The following ANK3 variants were observed in gnomAD, a reference collection of about 807,000 sequenced individuals.
ANK3 encodes ankyrin 3, also known as ankyrin-3.
Under a neutral mutation model 370.9 loss-of-function variants are expected in ANK3, and 57 were observed. The observed-to-expected ratio is 0.15, with a 90% CI of 0.12 to 0.19. The LOEUF (loss-of-function observed/expected upper bound fraction) is 0.19. Ranked by LOEUF, ANK3 falls within the 10% of genes least tolerant of loss-of-function variation. The probability of loss-of-function intolerance (pLI) is 1.00; values close to 1 mark genes in which losing one functional copy is unlikely to be tolerated. For synonymous variants in ANK3, 1,929 were observed against 1,946.3 expected (o/e 0.99, Z 0.23); for missense variants, 4,439 against 5,302.1 (o/e 0.84, Z 5.06).
At position 60,028,805 on chromosome 10, in the gene ANK3, AAGC is replaced by A. The variant is rs1213218343; in HGVS notation, c.*1038_*1040del. Reference sequence around the variant, plus strand: ...AAGCGGCAAGCATTTACCCCCTTTTAAGCACTAACAGATAGCATCCCCCCACCC... The same window carrying A: ...AAGCGGCAAGCATTTACCCCCTTTTAACTAACAGATAGCATCCCCCCACCC... On this transcript the variant is annotated 3_prime_UTR_variant, in exon 44 of 44. Transcript: ENST00000280772. The A allele has an allele frequency of 2.0e-5, 3 of 151,894 alleles. No individual in the cohort carries two copies. Among genetic ancestry groups the A allele is most frequent in the Non-Finnish European group, 4.4e-5 (3 of 67,892 alleles). The allele number at this position is 151,894 out of a possible 1,614,324, so 9.4% of individuals were successfully genotyped here.
At chr10:60,097,514 A>G (rs193211566) in intron 28 of ANK3, among the ~76,000 whole-genome samples, 84 of 152,356 alleles carry the variant, frequency 5.5e-4, no homozygotes, top group African/African-American at 1.9e-3. Flanking sequence ...AAGGTGGGAC[A>G]GCATTCTCTG....
At chr10:60,162,745 T>C (rs2095529383) in intron 23 of ANK3, among the ~76,000 whole-genome samples, 1 of 152,172 alleles carries the variant, frequency 6.6e-6, no homozygotes, top group African/African-American at 2.4e-5. Flanking sequence ...AATTAGAAAA[T>C]TCTTCCTAGC....
intron 41 of ANK3, among the ~76,000 whole-genome samples, chr10:60,058,926 TGTATTTTTA>T (rs2079763468): frequency 6.6e-6 from 1 of 152,170 alleles, no homozygotes. Flanking sequence ...AGCTGATTTT[TGTATTTTTA>T]GTAAAGATGA....
Position 60,469,667 on chromosome 10 carries a change from ATATATATATATATG to A in ANK3, c.96+145505_96+145518del, listed in dbSNP as rs1279616747. Among the ~76,000 whole-genome samples the A allele has an allele frequency of 8.1e-4, 79 of 97,504 alleles. 15 individuals carry two copies. The highest frequency in any genetic ancestry group is 1.2e-3 in the Non-Finnish European group (58 of 47,850). The allele number at this position is 97,504 out of a possible 152,430, so 64.0% of individuals were successfully genotyped here. ...TATATATATATATGGTGGTATATAT[ATATATATATATATG>A]GTGGTATATATATATAGTGGTCCTA... On this transcript the variant is annotated intron_variant, in intron 2 of 43. Transcript: ENST00000373827.
intron 1 of ANK3, among the ~76,000 whole-genome samples, chr10:60,726,144 A>T (rs183641700): frequency 2.0e-5 from 3 of 152,268 alleles, no homozygotes; most frequent in Admixed American, 2.0e-4. Flanking sequence ...ATATCAGCAC[A>T]TCACATAGCT....
At chr10:60,051,662 TTC>T (rs1254395147) in intron 42 of ANK3, 30 of 350,932 alleles carry the variant, frequency 8.5e-5, no homozygotes, top group Non-Finnish European at 1.0e-4. Context: ...TGATGTTTTC[TTC>T]TTTTTTTTTT....
intron 43 of ANK3, among the ~76,000 whole-genome samples, chr10:60,041,763 T>C (rs565888832): frequency 6.6e-6 from 1 of 152,304 alleles, no homozygotes; most frequent in African/African-American, 2.4e-5. Context: ...ATTGAGAACT[T>C]ACCTGGGCCT....
chr10:60,172,990 A>G lies in ANK3; in HGVS notation c.2292T>C (p.Tyr764=). 2 of 1,611,886 alleles carry G rather than the reference A, an allele frequency of 1.2e-6. No homozygotes were observed. Among genetic ancestry groups the G allele is most frequent in the Middle Eastern group, 1.7e-4 (1 of 6,056 alleles). The part of the protein sequence containing the change: ...AKVNAKTKNG[Y]TPLHQAAQQG... ...GCTGTGCTGCTTGATGTAATGGCGT[A>G]TACCCATTCTGTAGAAGGAAGATGG... Residue 764 remains tyrosine (Y), a synonymous_variant, in exon 20 of 44, where the codon TAT becomes TAC. Transcript: ENST00000280772.
chr10:60,669,937 C>G (rs1054238914), intron 1 of ANK3, among the ~76,000 whole-genome samples: 2 of 152,090 alleles, frequency 1.3e-5, no homozygotes, highest in Admixed American at 1.3e-4. Context: ...ATCCTCCCAC[C>G]CCAGCCTTTC....
chr10:60,282,868 C>T (rs1232332063), intron 1 of ANK3, among the ~76,000 whole-genome samples: 1 of 152,062 alleles, frequency 6.6e-6, no homozygotes, highest in Non-Finnish European at 1.5e-5. Flanking sequence ...CAAGAAGAGG[C>T]GAATGAAGAC....
At chr10:60,497,403 T>C (rs537067738) in intron 2 of ANK3, among the ~76,000 whole-genome samples, 5 of 152,324 alleles carry the variant, frequency 3.3e-5, no homozygotes, top group African/African-American at 4.8e-5. Flanking sequence ...TAATTACATT[T>C]AAATATGCTT....
chr10:60,590,882 G>A (rs1393639202), intron 2 of ANK3, among the ~76,000 whole-genome samples: 1 of 151,940 alleles, frequency 6.6e-6, no homozygotes, highest in African/African-American at 2.4e-5. Flanking sequence ...ATTTTTTATT[G>A]TTTATTTTTC....
At chr10:60,344,804 T>C (rs1191914262) in intron 1 of ANK3, among the ~76,000 whole-genome samples, 2 of 152,200 alleles carry the variant, frequency 1.3e-5, no homozygotes, top group African/African-American at 2.4e-5. Flanking sequence ...TCCACAGATA[T>C]GTGTATCAAT....
intron 1 of ANK3, among the ~76,000 whole-genome samples, chr10:60,358,003 T>C (rs999448442): frequency 8.6e-5 from 13 of 152,022 alleles, no homozygotes; most frequent in Non-Finnish European, 1.8e-4. Context: ...TTATCTCCTG[T>C]CCCTTTTACA....
chr10:60,179,554 G>A (rs2096082047), intron 18 of ANK3, among the ~76,000 whole-genome samples: 1 of 152,154 alleles, frequency 6.6e-6, no homozygotes, highest in Admixed American at 6.5e-5. Context: ...AATTAGCTGG[G>A]TGTGGTGGCA....
chr10:60,546,529 T>C (rs1360315367), intron 2 of ANK3, among the ~76,000 whole-genome samples: 1 of 152,344 alleles, frequency 6.6e-6, no homozygotes, highest in South Asian at 2.1e-4. Context: ...GAGTTTTGCA[T>C]GACTTTAGAG....
intron 1 of ANK3, among the ~76,000 whole-genome samples, chr10:60,354,234 A>G (rs1321041312): frequency 6.6e-6 from 1 of 152,222 alleles, no homozygotes; most frequent in Non-Finnish European, 1.5e-5. Flanking sequence ...ATGTGAGAGA[A>G]GATCTGAGAA....
intron 43 of ANK3, among the ~76,000 whole-genome samples, chr10:60,042,025 A>C (rs1012699386): frequency 6.6e-6 from 1 of 152,212 alleles, no homozygotes; most frequent in South Asian, 2.1e-4. Flanking sequence ...ATATGGCCTA[A>C]TTGTAGCTAA....
At chr10:60,407,788 T>C (rs1435525702) in intron 2 of ANK3, among the ~76,000 whole-genome samples, 1 of 152,214 alleles carries the variant, frequency 6.6e-6, no homozygotes, top group African/African-American at 2.4e-5. Flanking sequence ...CAATAAATAT[T>C]ATGACTGGAT....
Sources: allele counts gnomAD v4.1 joint callset (sites outside exome capture counted in the v4.1 genomes callset), GRCh38; gene constraint gnomAD v4.1.1; transcripts MANE v1.5; gene names NCBI Gene and HGNC (gene_info 2026-07-23, HGNC 2026-07-21).